Variants in ADCY5 observed in about 807,000 individuals in gnomAD.
ADCY5 encodes adenylate cyclase type 5.
ADCY5 carries 30 observed loss-of-function variants against 119.7 expected under a neutral mutation model. That is an observed-to-expected ratio of 0.25 (90% CI 0.19 to 0.34). The LOEUF is 0.34. Among genes scored for constraint, ADCY5 ranks in the 10% least tolerant of loss-of-function variants. ADCY5 has a pLI of 1.00. For missense variants in ADCY5, 1,324 were observed against 1,775.2 expected (o/e 0.75, Z 4.57); for synonymous variants, 753 against 762.2 (o/e 0.99, Z 0.20).
chr3:123,412,293 G>A (rs1260057926), intron 1 of ADCY5, among the ~76,000 whole-genome samples: 3 of 152,300 alleles, frequency 2.0e-5, no homozygotes, highest in South Asian at 2.1e-4. Context: ...GAAGGTATTC[G>A]CCCCAACAGG....
At chr3:123,334,675 T>A (rs1323591760) in intron 3 of ADCY5, among the ~76,000 whole-genome samples, 1 of 152,080 alleles carries the variant, frequency 6.6e-6, no homozygotes, top group Non-Finnish European at 1.5e-5. Context: ...GAGACGGAGG[T>A]TGCAGTGAGC....
At chr3:123,444,625 T>C (rs955721507) in intron 1 of ADCY5, among the ~76,000 whole-genome samples, 3 of 152,098 alleles carry the variant, frequency 2.0e-5, no homozygotes, top group Non-Finnish European at 4.4e-5. Flanking sequence ...CTTCTCCTAA[T>C]TGGAGCCAAG....
At chr3:123,390,373 C>T (rs554341313) in intron 1 of ADCY5, among the ~76,000 whole-genome samples, 4 of 152,300 alleles carry the variant, frequency 2.6e-5, no homozygotes, top group African/African-American at 7.2e-5. Context: ...GTCTTCAAGC[C>T]CATTTCCCTC....
At chr3:123,298,830 C>CTTTTTT (rs35856404) in intron 15 of ADCY5, among the ~76,000 whole-genome samples, 62,960 of 101,718 alleles carry the variant, frequency 0.62, 21,788 homozygotes, top group East Asian at 0.79. Context: ...AAAACTGTCA[C>CTTTTTT]TTTTTTTTTT....
At chr3:123,392,048 G>A (rs1179955268) in intron 1 of ADCY5, among the ~76,000 whole-genome samples, 1 of 152,164 alleles carries the variant, frequency 6.6e-6, no homozygotes, top group Non-Finnish European at 1.5e-5. Context: ...GCCTGCTCTG[G>A]ACGAGCGCCT....
intron 1 of ADCY5, among the ~76,000 whole-genome samples, chr3:123,404,027 G>A (rs1944839623): frequency 6.6e-6 from 1 of 152,208 alleles, no homozygotes; most frequent in Non-Finnish European, 1.5e-5. Context: ...TTTACAAAGT[G>A]TTAGTTTACA....
At chr3:123,383,924 TGCACAC>T (rs745391762) in intron 1 of ADCY5, among the ~76,000 whole-genome samples, 1 of 96,588 alleles carries the variant, frequency 1.0e-5, no homozygotes, top group Admixed American at 9.3e-5. Flanking sequence ...CCTCAAGGCA[TGCACAC>T]ACACACACAC....
At chr3:123,436,352 A>G (rs1470739227) in intron 1 of ADCY5, among the ~76,000 whole-genome samples, 1 of 151,730 alleles carries the variant, frequency 6.6e-6, no homozygotes, top group Non-Finnish European at 1.5e-5. Context: ...TAGCCTGCGC[A>G]ACAGAGTAAG....
chr3:123,321,561 A>G (rs1480152209), intron 8 of ADCY5, among the ~76,000 whole-genome samples: 1 of 152,132 alleles, frequency 6.6e-6, no homozygotes, highest in Admixed American at 6.5e-5. Context: ...GGTGGTGCGG[A>G]AGGTGACAAG....
chr3:123,396,013 A>AGAGAGAGGGAGG (rs1944538343), intron 1 of ADCY5, among the ~76,000 whole-genome samples: 4 of 19,620 alleles, frequency 2.0e-4, no homozygotes, highest in African/African-American at 5.4e-4. Flanking sequence ...AAAGAGAGAA[A>AGAGAGAGGGAGG]GAGAGAGGGA....
intron 18 of ADCY5, among the ~76,000 whole-genome samples, chr3:123,290,562 C>T (rs1360008772): frequency 6.6e-6 from 1 of 152,268 alleles, no homozygotes; most frequent in African/African-American, 2.4e-5. Flanking sequence ...CCAGTGCCTC[C>T]ACACGCCAGG....
intron 1 of ADCY5, among the ~76,000 whole-genome samples, chr3:123,410,391 G>C (rs957919549): frequency 1.4e-5 from 2 of 146,696 alleles, no homozygotes; most frequent in Non-Finnish European, 3.0e-5. Flanking sequence ...GGGCCACCCC[G>C]TACCTCCCAG....
chr3:123,438,789 C>T (rs1056677524), intron 1 of ADCY5, among the ~76,000 whole-genome samples: 2 of 152,086 alleles, frequency 1.3e-5, no homozygotes, highest in Admixed American at 6.6e-5. Context: ...CTTTGCTGCC[C>T]AGACTGGAGT....
chr3:123,347,821 A>T lies in ADCY5; in HGVS notation c.1367T>A (p.Met456Lys). Residue 456 changes from methionine (M) to lysine (K), a missense_variant, in exon 3 of 21, where the codon ATG becomes AAG. Physicochemically the swap from Met to Lys is moderately conservative, Grantham distance 95 (BLOSUM62 -1). Transcript: ENST00000462833. ...TTTCTGGATGTAAATCTTATGGAACATCATATCCTCCTGCTTGGCGTTGAT... is the reference window on the plus strand; with the variant it reads ...TTTCTGGATGTAAATCTTATGGAACTTCATATCCTCCTGCTTGGCGTTGAT... ...ADINAKQEDM[M>K]FHKIYIQKHD... 1 of 1,614,100 alleles carries T rather than the reference A, an allele frequency of 6.2e-7. No homozygotes were observed. Among genetic ancestry groups the T allele is most frequent in the Non-Finnish European group, 8.5e-7 (1 of 1,180,006 alleles).
At chr3:123,398,237 T>A (rs1658916990) in intron 1 of ADCY5, among the ~76,000 whole-genome samples, 1 of 151,938 alleles carries the variant, frequency 6.6e-6, no homozygotes, top group Non-Finnish European at 1.5e-5. Context: ...AGTTCCCCCC[T>A]GCCAAAACCA....
At chr3:123,327,507 A>G (rs1401085821) in intron 7 of ADCY5, 111 bp downstream of exon 7, 28 of 1,195,400 alleles carry the variant, frequency 2.3e-5, no homozygotes, top group African/African-American at 6.1e-5. Context: ...CCGCAACTGC[A>G]TAAGAAATTC....
At chr3:123,393,695 T>G (rs1459920822) in intron 1 of ADCY5, among the ~76,000 whole-genome samples, 1 of 152,102 alleles carries the variant, frequency 6.6e-6, no homozygotes. Context: ...ATGGAGGTCA[T>G]CCTTGTTATG....
chr3:123,394,676 C>T (rs1238973419), intron 1 of ADCY5, among the ~76,000 whole-genome samples: 1 of 152,186 alleles, frequency 6.6e-6, no homozygotes, highest in Non-Finnish European at 1.5e-5. Context: ...TAATGAGGAA[C>T]AAGACAGAAA....
At chr3:123,336,881 G>A (rs983482257) in intron 3 of ADCY5, among the ~76,000 whole-genome samples, 13 of 152,302 alleles carry the variant, frequency 8.5e-5, no homozygotes, top group African/African-American at 2.2e-4. Context: ...CAGGCATCTC[G>A]TAGAACCACC....
Sources: allele counts gnomAD v4.1 joint callset (sites outside exome capture counted in the v4.1 genomes callset), GRCh38; gene constraint gnomAD v4.1.1; transcripts MANE v1.5; gene names NCBI Gene and HGNC (gene_info 2026-07-23, HGNC 2026-07-21).